PCDHGA4: variants seen among roughly 807,000 people sequenced by gnomAD.
PCDHGA4 encodes protocadherin gamma subfamily A, 4, also known as protocadherin gamma-A4.
A neutral mutation model predicts 54.6 loss-of-function variants in PCDHGA4; 38 were observed. The ratio of observed to expected loss-of-function variants is 0.70; its 90% CI spans 0.54 to 0.91. PCDHGA4 has a LOEUF of 0.91. Among genes scored for constraint, PCDHGA4 ranks in the 40% least tolerant of loss-of-function variants. The pLI, the probability that PCDHGA4 is intolerant of heterozygous loss-of-function variation, is 0.00. For missense variants in PCDHGA4, 1,298 were observed against 1,220.9 expected (o/e 1.06, Z -0.94); for synonymous variants, 511 against 512.9 (o/e 1.00, Z 0.05).
At chr5:141,374,172 A>G (rs1770228418) in intron 1 of PCDHGA4, 1 of 1,613,330 alleles carries the variant, frequency 6.2e-7, no homozygotes, top group Non-Finnish European at 8.5e-7. Context: ...GCGGCAGCGC[A>G]GATCCGCTAC....
chr5:141,420,047 G>T lies in PCDHGA4; in HGVS notation c.2514+62426G>T. ...TACTGCAGGAGACTGCTTTGAGTCA[G>T]TTCTCTGCTCCAAGTCCGGACCTGT... On this transcript the variant is annotated intron_variant, in intron 1 of 3. Coordinates refer to ENST00000571252, the MANE Select transcript of PCDHGA4 (RefSeq NM_018917.4). 3 of 1,614,076 alleles carry T rather than the reference G, an allele frequency of 1.9e-6. No individual in the cohort carries two copies. The South Asian group carries it at 3.3e-5, about 18-fold the overall frequency.
Position 141,485,731 on chromosome 5 carries a change from C to T in PCDHGA4, c.2515-9076C>T, listed in dbSNP as rs1440070106. The T allele has an allele frequency of 1.9e-6, 3 of 1,614,036 alleles. No individual in the cohort carries two copies. The highest frequency in any genetic ancestry group is 2.2e-5 in the South Asian group (2 of 91,080). On this transcript the variant is annotated intron_variant, in intron 1 of 3. Transcript: ENST00000571252. This position sits in a 1 kb window ranked among gnomAD's most constrained non-coding sequence, Gnocchi z 5.7. ...TTGCACTGGATGTGAAGAAGCGCAG[C>T]GACGGCAGCCTGGTCCCAGAGCTGC...
At chr5:141,421,979 G>A in intron 1 of PCDHGA4, 1 of 1,609,702 alleles carries the variant, frequency 6.2e-7, no homozygotes, top group Non-Finnish European at 8.5e-7. Context: ...TATCGCGTGA[G>A]TGTTCCAGAA....
At chr5:141,482,033 C>G (rs1185284483) in intron 1 of PCDHGA4, among the ~76,000 whole-genome samples, 1 of 149,194 alleles carries the variant, frequency 6.7e-6, no homozygotes, top group African/African-American at 2.5e-5. Flanking sequence ...TGCAGTGAGC[C>G]AAGATCATGC....
intron 1 of PCDHGA4, chr5:141,405,325 G>A: frequency 5.6e-6 from 9 of 1,614,170 alleles, no homozygotes; most frequent in African/African-American, 1.3e-5. Context: ...ATGAGCCTTT[G>A]TGCGTCTCTG....
At chr5:141,413,597 A>C in intron 1 of PCDHGA4, 2 of 1,613,888 alleles carry the variant, frequency 1.2e-6, no homozygotes, top group Non-Finnish European at 8.5e-7. Context: ...CAAGCAGAAA[A>C]TCTAGACGTA....
intron 3 of PCDHGA4, among the ~76,000 whole-genome samples, chr5:141,506,038 G>C (rs2099850248): frequency 6.6e-6 from 1 of 152,174 alleles, no homozygotes; most frequent in South Asian, 2.1e-4. Context: ...GTAGGATTCT[G>C]GTTTTCCCAT....
intron 1 of PCDHGA4, among the ~76,000 whole-genome samples, chr5:141,463,316 T>A (rs1290852110): frequency 1.3e-5 from 2 of 151,806 alleles, no homozygotes; most frequent in African/African-American, 2.4e-5. Flanking sequence ...TAATATCTAT[T>A]CCTCAACTCA....
chr5:141,355,142 CTCCTCAGGCCT>C lies in PCDHGA4; in HGVS notation c.36_46del (p.Pro13AspfsTer52). The C allele has an allele frequency of 6.6e-7, 1 of 1,526,256 alleles. No individual in the cohort carries two copies. Among genetic ancestry groups the C allele is most frequent in the East Asian group, 2.3e-5 (1 of 44,136 alleles). 94.5% of individuals were successfully genotyped at this position (1,526,256 alleles called of 1,614,324 possible). A position where few individuals can be genotyped will look rare whatever the true frequency, so the allele number is the denominator to read the frequency against. On this transcript the variant is annotated frameshift_variant, in exon 1 of 4. Transcript: ENST00000571252. LOFTEE classifies it high-confidence loss of function. ...ATTTTGGACCCAGAAGATCCTGGGGCTCCTCAGGCCTCGACAGAGGGAAAACCGAAGCACAG... is the reference window on the plus strand; with the variant it reads ...ATTTTGGACCCAGAAGATCCTGGGGCCGACAGAGGGAAAACCGAAGCACAG...
At position 141,357,165 on chromosome 5, in the gene PCDHGA4, G is replaced by A. The variant is rs368780365; in HGVS notation, c.2058G>A (p.Ser686=). The A allele has an allele frequency of 4.1e-5, 66 of 1,613,556 alleles. No individual in the cohort carries two copies. Among genetic ancestry groups the A allele is most frequent in the East Asian group, 3.3e-4 (15 of 44,872 alleles). ...AGGACCATGGCCAGCCCCCTCTCTC[G>A]GCCACCGTCACACTCACTGTGGCTG... The part of the protein sequence containing the change: ...VVQDHGQPPL[S]ATVTLTVAVA... The change falls in exon 1 of 4, where the codon TCG becomes TCA. Residue 686 remains serine (S), a synonymous_variant. Transcript: ENST00000571252.
In PCDHGA4 at chr5:141,404,779, C is replaced by T. The variant is rs779433248; in HGVS notation, c.2514+47158C>T. 8.1e-6 allele frequency: 13 copies of T among 1,613,628 alleles called. No individual in the cohort carries two copies. In the Admixed American group the frequency reaches 1.5e-4, roughly 19 times the overall value. ...ATGCTTGGCTCTCCTACCGCCTATT[C>T]AAGGCCAGTGAGCCAGGGCTCTTCT... On this transcript the variant is annotated intron_variant, in intron 1 of 3. Coordinates refer to ENST00000571252, the MANE Select transcript of PCDHGA4 (RefSeq NM_018917.4).
At position 141,432,881 on chromosome 5, in the gene PCDHGA4, G is replaced by A; in HGVS notation, c.2515-61926G>A. On this transcript the variant is annotated intron_variant, in intron 1 of 3. Coordinates refer to ENST00000571252, the MANE Select transcript of PCDHGA4 (RefSeq NM_018917.4). This position sits in a 1 kb window ranked among gnomAD's most constrained non-coding sequence, Gnocchi z 6.0. ...GGTCTCCTGCGTCTTCCTGGCCTTC[G>A]TCATCTTGCTGCTGGCGCTCAGGCT... 6.2e-7 allele frequency: 1 copy of A among 1,614,170 alleles called. No homozygotes were observed. The highest frequency in any genetic ancestry group is 1.1e-5 in the South Asian group (1 of 91,088).
chr5:141,427,528 A>G (rs1360860476), intron 1 of PCDHGA4: 1 of 617,748 alleles, frequency 1.6e-6, no homozygotes, highest in Non-Finnish European at 3.0e-6. Context: ...CGGATCCCGG[A>G]GTACAACGTC....
intron 1 of PCDHGA4, among the ~76,000 whole-genome samples, chr5:141,460,983 G>GTA (rs59296681): frequency 9.4e-4 from 130 of 137,840 alleles, no homozygotes; most frequent in Middle Eastern, 3.8e-3. Context: ...GTGTGTGTGT[G>GTA]TATATATATA....
chr5:141,452,358 T>C (rs2098739424), intron 1 of PCDHGA4, among the ~76,000 whole-genome samples: 1 of 152,236 alleles, frequency 6.6e-6, no homozygotes, highest in African/African-American at 2.4e-5. Context: ...CCAAAAGCCT[T>C]GCTTCATTTT....
At chr5:141,376,392 TC>T (rs1163075559) in intron 1 of PCDHGA4, 5 of 1,614,092 alleles carry the variant, frequency 3.1e-6, no homozygotes, top group Non-Finnish European at 4.2e-6. Flanking sequence ...CATCTGATTT[TC>T]CCCCAGCCCA....
chr5:141,399,731 CGCCTGCGCTCAGCGCAAACGTGA>C (rs777966215), intron 1 of PCDHGA4: 5 of 1,613,174 alleles, frequency 3.1e-6, no homozygotes, highest in Admixed American at 1.7e-5. Flanking sequence ...GACCAGGGCT[CGCCTGCGCTCAGCGCAAACGTGA>C]GCCTGCGCGT....
intron 1 of PCDHGA4, chr5:141,375,657 T>C (rs1588774279): frequency 6.2e-7 from 1 of 1,614,192 alleles, no homozygotes; most frequent in Non-Finnish European, 8.5e-7. Flanking sequence ...TATGAGCAGT[T>C]GAGAGACCTA....
At chr5:141,461,740 G>T (rs770518286) in intron 1 of PCDHGA4, among the ~76,000 whole-genome samples, 1 of 152,072 alleles carries the variant, frequency 6.6e-6, no homozygotes, top group African/African-American at 2.4e-5. Context: ...GCACAATCCC[G>T]GCTCCCAGAT....
Sources: allele counts gnomAD v4.1 joint callset (sites outside exome capture counted in the v4.1 genomes callset), GRCh38; gene constraint gnomAD v4.1.1; non-coding constraint Gnocchi (gnomAD v3.1); transcripts MANE v1.5; gene names NCBI Gene and HGNC (gene_info 2026-07-23, HGNC 2026-07-21).